The following RYR3 variants were observed in gnomAD, a reference collection of about 807,000 sequenced individuals.
The protein encoded by RYR3 is brain ryanodine receptor-calcium release channel.
A neutral mutation model predicts 584.3 loss-of-function variants in RYR3; 207 were observed. That is an observed-to-expected ratio of 0.35 (90% CI 0.32 to 0.40). RYR3 has a LOEUF of 0.40. Ranked by LOEUF, RYR3 falls within the 10% of genes least tolerant of loss-of-function variation. The pLI, the probability that RYR3 is intolerant of heterozygous loss-of-function variation, is 1.00. For synonymous variants in RYR3, 2,416 were observed against 2,248.5 expected (o/e 1.07, Z -2.11); for missense variants, 5,616 against 6,089.2 (o/e 0.92, Z 2.59).
chr15:33,349,106 C>CTTTTT (rs749996197), intron 1 of RYR3, among the ~76,000 whole-genome samples: 7 of 113,550 alleles, frequency 6.2e-5, no homozygotes, highest in Admixed American at 8.9e-5. Context: ...TAGCTTGTGC[C>CTTTTT]TTTTTTTTTT....
At chr15:33,729,065 A>T in intron 47 of RYR3, 39 bp downstream of exon 47, 1 of 1,568,464 alleles carries the variant, frequency 6.4e-7, no homozygotes, top group South Asian at 1.1e-5. Context: ...TGTTCCCATC[A>T]TTGTGAAATT....
rs1381836625 is a variant in RYR3, at chr15:33,858,435, G to A, written c.14142+521G>A. Among the ~76,000 whole-genome samples, 5 of 152,040 alleles carry A rather than the reference G, an allele frequency of 3.3e-5. No individual in the cohort carries two copies. In the South Asian group the frequency reaches 6.4e-4, roughly 19 times the overall value. ...TTGGTCAGGCTGGTCTCAAACTCCC[G>A]ACCTCAGGTGATCTGCCCACCTCTG... On this transcript the variant is annotated intron_variant, in intron 99 of 103. Transcript: ENST00000634891.
chr15:33,665,047 A>G (rs1004421921), intron 36 of RYR3, among the ~76,000 whole-genome samples: 3 of 152,128 alleles, frequency 2.0e-5, no homozygotes, highest in Non-Finnish European at 2.9e-5. Context: ...CAAGTGTGCT[A>G]TTTTTCCAAG....
At chr15:33,812,773 C>G (rs2076619297) in intron 72 of RYR3, 90 bp from the exon 73 acceptor site, 3 of 1,287,192 alleles carry the variant, frequency 2.3e-6, no homozygotes, top group Non-Finnish European at 3.2e-6. Flanking sequence ...AGAGTCTTGA[C>G]TCCTACAGAA....
At chr15:33,457,823 T>A (rs1455023752) in intron 1 of RYR3, among the ~76,000 whole-genome samples, 1 of 152,230 alleles carries the variant, frequency 6.6e-6, no homozygotes, top group Non-Finnish European at 1.5e-5. Flanking sequence ...AACATCACAC[T>A]CTACCCCACA....
rs1358568458 is a variant in RYR3 at position 33,467,473 on chromosome 15, C to T, written c.52-5946C>T. On this transcript the variant is annotated intron_variant, in intron 1 of 103. Transcript: ENST00000634891. ...GATGGCTCTCTATTGTTCTGGCCCTCAGGCTGCGAGCCAAGGTATAAGAAA... is the reference window on the plus strand; with the variant it reads ...GATGGCTCTCTATTGTTCTGGCCCTTAGGCTGCGAGCCAAGGTATAAGAAA... The T allele has an allele frequency of 5.1e-6, 5 of 984,892 alleles. No individual in the cohort carries two copies. In the East Asian group the frequency reaches 3.4e-4, roughly 67 times the overall value. 61.0% of individuals were successfully genotyped at this position (984,892 alleles called of 1,614,324 possible).
At chr15:33,735,554 A>C (rs1237024149) in intron 48 of RYR3, among the ~76,000 whole-genome samples, 1 of 152,190 alleles carries the variant, frequency 6.6e-6, no homozygotes. Flanking sequence ...TCTGGAGAAA[A>C]CCATAGGTTC....
In RYR3 at chr15:33,611,687, C is replaced by T. The variant is rs141983984; in HGVS notation, c.2165-1496C>T. 1.6e-4 allele frequency among the ~76,000 whole-genome samples: 24 copies of T among 152,072 alleles called. No homozygotes were observed. The East Asian group carries it at 4.7e-3, about 29-fold the overall frequency. ...CTTTTGTATTTATTTGAGACAGGGT[C>T]TCATTCTGTCGCCCAGGCTGGAGCG... On this transcript the variant is annotated intron_variant, in intron 18 of 103. Transcript: ENST00000634891.
intron 2 of RYR3, among the ~76,000 whole-genome samples, chr15:33,496,040 C>T (rs543183400): frequency 6.6e-5 from 10 of 152,192 alleles, no homozygotes; most frequent in Non-Finnish European, 8.8e-5. Context: ...CCCATGAAAA[C>T]GTGGTCTTAT....
At chr15:33,559,550 G>A (rs1255051245) in intron 10 of RYR3, among the ~76,000 whole-genome samples, 1 of 152,120 alleles carries the variant, frequency 6.6e-6, no homozygotes, top group Non-Finnish European at 1.5e-5. Context: ...GCAAGGCTGG[G>A]GTAAACAGTT....
At chr15:33,438,242 TC>T (rs1190836897) in intron 1 of RYR3, among the ~76,000 whole-genome samples, 1 of 152,056 alleles carries the variant, frequency 6.6e-6, no homozygotes, top group Non-Finnish European at 1.5e-5. Flanking sequence ...GTACGGTGGA[TC>T]CCCAGAACTT....
At chr15:33,543,574 C>A (rs764209007) in intron 7 of RYR3, 48 bp from the exon 8 acceptor site, 7 of 1,194,236 alleles carry the variant, frequency 5.9e-6, no homozygotes, top group Non-Finnish European at 7.5e-6. Flanking sequence ...ATGCCATTCT[C>A]TTCATTAAAC....
chr15:33,402,694 A>G (rs191908658), intron 1 of RYR3, among the ~76,000 whole-genome samples: 1 of 152,256 alleles, frequency 6.6e-6, no homozygotes, highest in South Asian at 2.1e-4. Context: ...TGCACAGACT[A>G]AGAGCATGTC....
At chr15:33,675,593 A>C (rs76757301) in intron 38 of RYR3, among the ~76,000 whole-genome samples, 7,043 of 152,290 alleles carry the variant, frequency 0.046, 428 homozygotes, top group African/African-American at 0.14. Context: ...CAGGAGACTG[A>C]GCATGAGACA....
intron 12 of RYR3, among the ~76,000 whole-genome samples, chr15:33,568,826 A>G (rs770535455): frequency 7.2e-5 from 11 of 152,176 alleles, no homozygotes; most frequent in African/African-American, 2.7e-4. Context: ...AATATCTCCT[A>G]TGCTCATTGC....
Position 33,661,914 on chromosome 15 carries a change from T to G in RYR3, c.4623-239T>G, listed in dbSNP as rs183955698. On this transcript the variant is annotated intron_variant, in intron 34 of 103. Coordinates refer to ENST00000634891, the MANE Select transcript of RYR3 (RefSeq NM_001036.6). ...GATTTTTTCCTAATAATGAAGACTT[T>G]CATATTTGGTAAACCAGTGTCTTGC... is the stretch of plus-strand genomic sequence containing the variant. 1.9e-4 allele frequency among the ~76,000 whole-genome samples: 29 copies of G among 152,302 alleles called. No individual in the cohort carries two copies. The East Asian group carries it at 5.4e-3, about 28-fold the overall frequency.
At chr15:33,778,888 T>G (rs371049598) in intron 64 of RYR3, among the ~76,000 whole-genome samples, 1 of 152,246 alleles carries the variant, frequency 6.6e-6, no homozygotes, top group Non-Finnish European at 1.5e-5. Flanking sequence ...TTTGAAGTTA[T>G]CGGCTCAAAT....
chr15:33,534,493 C>T (rs2055158444), intron 5 of RYR3, among the ~76,000 whole-genome samples: 2 of 152,278 alleles, frequency 1.3e-5, no homozygotes, highest in South Asian at 4.1e-4. Flanking sequence ...ACATCATATA[C>T]TTTGGGAACC....
chr15:33,853,674 G>A lies in RYR3; in HGVS notation c.13791G>A (p.Leu4597=). 2 of 1,613,292 alleles carry A rather than the reference G, an allele frequency of 1.2e-6. No homozygotes were observed. Among genetic ancestry groups the A allele is most frequent in the Non-Finnish European group, 8.5e-7 (1 of 1,179,572 alleles). The change falls in exon 96 of 104, where the codon CTG becomes CTA. Residue 4597 remains leucine, a synonymous_variant. Transcript: ENST00000634891. ...AGACCAAAGCAGAAGCGGCTTCTCT[G>A]GTGTCATGGTACAAAAAGCTTAGGA... is the stretch of plus-strand genomic sequence containing the variant. ...VEETKAEAAS[L]VSWLSSIDMK... is the part of the protein sequence containing the mutation.
Sources: gnomAD v4.1 joint callset for allele counts (sites outside exome capture counted in the v4.1 genomes callset) on GRCh38, gnomAD v4.1.1 for gene constraint, MANE v1.5 for transcripts, NCBI Gene and HGNC (gene_info 2026-07-23, HGNC 2026-07-21) for gene names.